KLHL20: variants seen among roughly 807,000 people sequenced by gnomAD.
KLHL20 encodes kelch like family member 20.
KLHL20 carries 29 observed loss-of-function variants against 69.5 expected under a neutral mutation model. That is an observed-to-expected ratio of 0.42 (90% confidence interval 0.31 to 0.57). The LOEUF is 0.57. Ranked by LOEUF, KLHL20 falls within the 20% of genes least tolerant of loss-of-function variation. The pLI, the probability that KLHL20 is intolerant of heterozygous loss-of-function variation, is 0.18. For synonymous variants in KLHL20, 253 were observed against 265.2 expected (o/e 0.95, Z 0.45); for missense variants, 419 against 776.0 (o/e 0.54, Z 5.47).
chr1:173,748,944 A>G (rs1558201072), intron 3 of KLHL20, among the ~76,000 whole-genome samples: 1 of 152,128 alleles, frequency 6.6e-6, no homozygotes, highest in Non-Finnish European at 1.5e-5. Flanking sequence ...ATTCACAAAT[A>G]TCTGAAGAAT....
chr1:173,730,495 C>T (rs1672215016), intron 2 of KLHL20, among the ~76,000 whole-genome samples: 1 of 152,090 alleles, frequency 6.6e-6, no homozygotes, highest in African/African-American at 2.4e-5. Flanking sequence ...GTAACCAAAA[C>T]AGCATGGTAC....
intron 10 of KLHL20, 39 bp downstream of exon 10, chr1:173,775,881 G>C: frequency 6.4e-7 from 1 of 1,573,180 alleles, no homozygotes; most frequent in Non-Finnish European, 8.7e-7. Flanking sequence ...TCCAAATCTT[G>C]GCTATTAATA....
At chr1:173,775,214 G>C (rs1183630743) in intron 9 of KLHL20, among the ~76,000 whole-genome samples, 3 of 152,178 alleles carry the variant, frequency 2.0e-5, no homozygotes, top group African/African-American at 7.2e-5. Context: ...CTTCTCTTCA[G>C]AAGCTTAAAA....
chr1:173,755,841 C>T (rs1015913739), intron 5 of KLHL20, 82 bp from the exon 6 acceptor site: 9 of 853,804 alleles, frequency 1.1e-5, no homozygotes, highest in Non-Finnish European at 1.7e-5. Flanking sequence ...CCTTTGCCAA[C>T]CTATATATTC....
intron 8 of KLHL20, 85 bp downstream of exon 8, chr1:173,766,374 G>T: frequency 7.8e-7 from 1 of 1,284,904 alleles, no homozygotes; most frequent in Admixed American, 2.6e-5. Flanking sequence ...GTTGGGCGTG[G>T]TGGCTCACAC....
intron 8 of KLHL20, among the ~76,000 whole-genome samples, chr1:173,766,814 T>C (rs1647751214): frequency 6.6e-6 from 1 of 152,124 alleles, no homozygotes; most frequent in Admixed American, 6.5e-5. Context: ...AAATTATATA[T>C]ATTCACAGTG....
At chr1:173,767,115 T>A (rs1457475146) in intron 8 of KLHL20, among the ~76,000 whole-genome samples, 1 of 152,212 alleles carries the variant, frequency 6.6e-6, no homozygotes, top group Non-Finnish European at 1.5e-5. Context: ...TGAGTTCAAC[T>A]TTTTTAGATT....
intron 3 of KLHL20, among the ~76,000 whole-genome samples, chr1:173,737,282 A>G (rs1379878139): frequency 6.6e-6 from 1 of 152,212 alleles, no homozygotes. Context: ...GTTCTTGATC[A>G]TGAACTCTTT....
chr1:173,769,187 C>T lies in KLHL20; in HGVS notation c.1295+2898C>T, dbSNP rs78467457. 5.9e-5 allele frequency among the ~76,000 whole-genome samples: 9 copies of T among 152,260 alleles called. No individual in the cohort carries two copies. The East Asian group carries it at 1.7e-3, about 29-fold the overall frequency. ...GGATGTTTAACAGCATCCATAGCCT[C>T]TACCAACTAAGTGCCAGAAGCATGT... On this transcript the variant is annotated intron_variant, in intron 8 of 11. Transcript: ENST00000209884.
chr1:173,735,631 G>A (rs984327345), intron 3 of KLHL20, among the ~76,000 whole-genome samples: 1 of 152,174 alleles, frequency 6.6e-6, no homozygotes, highest in South Asian at 2.1e-4. Flanking sequence ...AGTTTTTGGA[G>A]AACAGGTGGT....
chr1:173,730,724 A>G (rs1672230558), intron 2 of KLHL20, among the ~76,000 whole-genome samples: 1 of 152,226 alleles, frequency 6.6e-6, no homozygotes, highest in African/African-American at 2.4e-5. Flanking sequence ...TTAATTCAAG[A>G]TGGATTAAAG....
chr1:173,746,109 C>A (rs1673047402), intron 3 of KLHL20, among the ~76,000 whole-genome samples: 1 of 152,134 alleles, frequency 6.6e-6, no homozygotes, highest in African/African-American at 2.4e-5. Context: ...ATGTAACTTA[C>A]ATTAATGGAA....
In KLHL20 at chr1:173,786,375, G is replaced by GT. The variant is rs1183833302; in HGVS notation, c.*1130dup. ...CTCAAATTGCACTTTCTGGTAAAAA[G>GT]TTAAAAATTTTTAAGGAAAAAATAA... On this transcript the variant is annotated 3_prime_UTR_variant, in exon 12 of 12. Coordinates refer to ENST00000209884, the MANE Select transcript of KLHL20 (RefSeq NM_014458.4). 4.0e-4 allele frequency: 61 copies of GT among 152,478 alleles called. No individual in the cohort carries two copies. The highest frequency in any genetic ancestry group is 9.2e-4 in the Admixed American group (14 of 15,262). 9.4% of individuals were successfully genotyped at this position (152,478 alleles called of 1,614,324 possible).
At chr1:173,730,402 G>A (rs908643543) in intron 2 of KLHL20, among the ~76,000 whole-genome samples, 6 of 149,892 alleles carry the variant, frequency 4.0e-5, no homozygotes, top group Non-Finnish European at 6.0e-5. Flanking sequence ...AAAAGAGCCC[G>A]CATTGCCAAG....
rs1648418155 is a variant in KLHL20 at position 173,775,677 on chromosome 1, C to T, written c.1473C>T (p.Ala491=). The part of the protein sequence containing the change: ...NPQENRWHTI[A]PMGTRRKHLG... ...AGGAAAACAGATGGCACACTATAGC[C>T]CCTATGGGGACCCGGAGGAAACACC... The change falls in exon 10 of 12, where the codon GCC becomes GCT. Residue 491 remains alanine, a synonymous_variant. Transcript: ENST00000209884. 1 of 1,614,152 alleles carries T rather than the reference C, an allele frequency of 6.2e-7. No individual in the cohort carries two copies. The highest frequency in any genetic ancestry group is 1.3e-5 in the African/African-American group (1 of 75,040).
At chr1:173,758,997 G>A (rs1673676904) in intron 7 of KLHL20, among the ~76,000 whole-genome samples, 1 of 152,146 alleles carries the variant, frequency 6.6e-6, no homozygotes, top group Non-Finnish European at 1.5e-5. Flanking sequence ...GCCCGCCTGT[G>A]GCCTGGAAAC....
intron 6 of KLHL20, among the ~76,000 whole-genome samples, chr1:173,756,381 A>G (rs555356109): frequency 2.1e-5 from 3 of 146,144 alleles, no homozygotes; most frequent in East Asian, 1.9e-4. Flanking sequence ...AAGAAAAACA[A>G]TTGGCTGAGT....
At position 173,766,130 on chromosome 1, in the gene KLHL20, G is replaced by C; in HGVS notation, c.1152-16G>C. On this transcript the variant is annotated splice_polypyrimidine_tract_variant and intron_variant, in intron 7 of 11. Transcript: ENST00000209884. ...TTTGTGTAATACAAACTCTCCTCTT[G>C]GTATGTTCTTTTCAGGTATGACCCC... The C allele has an allele frequency of 6.4e-7, 1 of 1,571,640 alleles. No individual in the cohort carries two copies. Among genetic ancestry groups the C allele is most frequent in the Non-Finnish European group, 8.6e-7 (1 of 1,163,052 alleles).
intron 7 of KLHL20, among the ~76,000 whole-genome samples, chr1:173,762,216 T>C (rs1647354200): frequency 6.6e-6 from 1 of 151,988 alleles, no homozygotes; most frequent in Non-Finnish European, 1.5e-5. Flanking sequence ...GCAGCAAGAT[T>C]GAAGTGGTAA....
Sources: allele counts gnomAD v4.1 joint callset (sites outside exome capture counted in the v4.1 genomes callset), GRCh38; gene constraint gnomAD v4.1.1; transcripts MANE v1.5; gene names NCBI Gene and HGNC (gene_info 2026-07-23, HGNC 2026-07-21).